The following GABRG3 variants were observed in gnomAD, a reference collection of about 807,000 sequenced individuals.
GABRG3 encodes the protein gamma-aminobutyric acid receptor subunit gamma-3.
A neutral mutation model predicts 48.8 loss-of-function variants in GABRG3; 25 were observed. The observed-to-expected ratio is 0.51, with a 90% CI of 0.37 to 0.72. The LOEUF is 0.72. Among genes scored for constraint, GABRG3 ranks in the 30% least tolerant of loss-of-function variants. The pLI is 0.00. For synonymous variants in GABRG3, 227 were observed against 217.6 expected, an observed-to-expected ratio of 1.04 and a Z score of -0.38; for missense variants, 394 against 577.9, an observed-to-expected ratio of 0.68 and a Z score of 3.26.
intron 3 of GABRG3, among the ~76,000 whole-genome samples, chr15:27,247,807 A>G (rs1890314538): frequency 6.6e-6 from 1 of 152,164 alleles, no homozygotes; most frequent in African/African-American, 2.4e-5. Context: ...CCCCTTATCA[A>G]ACCATCAGAT....
rs1158391638 is a variant in GABRG3 at position 26,974,843 on chromosome 15, T to TTTTTTATTA, written c.54-2157_54-2156insTTTATTATT. ...CAGATGACACGAAATATTTTTTAAA[T>TTTTTTATTA]TTATTATTATTATTATTATTATTAT... On this transcript the variant is annotated intron_variant, in intron 1 of 9. Transcript: ENST00000615808. The surrounding 1 kb of genome is among the most constrained non-coding windows in gnomAD (Gnocchi z 4.3). Among the ~76,000 whole-genome samples, 1 of 140,862 alleles carries TTTTTTATTA rather than the reference T, an allele frequency of 7.1e-6. No individual in the cohort carries two copies. Among genetic ancestry groups the TTTTTTATTA allele is most frequent in the African/African-American group, 2.6e-5 (1 of 38,350 alleles). The allele number at this position is 140,862 out of a possible 152,430, so 92.4% of individuals were successfully genotyped here.
intron 3 of GABRG3, among the ~76,000 whole-genome samples, chr15:27,064,913 T>C (rs1896711954): frequency 6.6e-6 from 1 of 152,230 alleles, no homozygotes; most frequent in Non-Finnish European, 1.5e-5. Flanking sequence ...TTTAAACGTG[T>C]GTCAAGTTGT....
intron 3 of GABRG3, among the ~76,000 whole-genome samples, chr15:27,218,632 C>T (rs1214628805): frequency 6.6e-6 from 1 of 152,156 alleles, no homozygotes; most frequent in Non-Finnish European, 1.5e-5. Context: ...CTGGATGCCT[C>T]CTGTCCCTGC....
intron 2 of GABRG3, among the ~76,000 whole-genome samples, chr15:27,013,038 T>C (rs554622590): frequency 6.6e-6 from 1 of 152,164 alleles, no homozygotes; most frequent in Non-Finnish European, 1.5e-5. Context: ...TGAAAGAAAT[T>C]TGAAATAATT....
At chr15:27,152,678 CAT>C (rs1336708998) in intron 3 of GABRG3, among the ~76,000 whole-genome samples, 1 of 152,010 alleles carries the variant, frequency 6.6e-6, no homozygotes, top group Non-Finnish European at 1.5e-5. Flanking sequence ...AATGTCTTTT[CAT>C]ATCTTTTGTC....
chr15:27,266,021 C>T (rs1890910579), intron 3 of GABRG3, among the ~76,000 whole-genome samples: 1 of 151,818 alleles, frequency 6.6e-6, no homozygotes, highest in Non-Finnish European at 1.5e-5. Context: ...GCTGGGATTA[C>T]AGGCATGTGC....
chr15:27,059,813 G>A (rs1420134953), intron 3 of GABRG3, among the ~76,000 whole-genome samples: 2 of 152,194 alleles, frequency 1.3e-5, no homozygotes, highest in African/African-American at 4.8e-5. Flanking sequence ...TGGCACCACG[G>A]AGAATAGAAA....
intron 3 of GABRG3, among the ~76,000 whole-genome samples, chr15:27,184,254 T>C (rs1413130385): frequency 1.3e-5 from 2 of 152,194 alleles, no homozygotes. Context: ...GTGCCTCTGC[T>C]GCTGTCTCCA....
At chr15:27,353,426 CTATT>C (rs59969384) in intron 5 of GABRG3, among the ~76,000 whole-genome samples, 87 of 146,106 alleles carry the variant, frequency 6.0e-4, no homozygotes, top group Admixed American at 1.2e-3. Flanking sequence ...TTCTTTCTTT[CTATT>C]TATTTATTTA....
chr15:27,416,724 GC>G (rs1435806360), intron 5 of GABRG3, among the ~76,000 whole-genome samples: 5 of 152,106 alleles, frequency 3.3e-5, no homozygotes, highest in African/African-American at 1.2e-4. Context: ...AGAGGTTTTA[GC>G]CTCTGGGTTT....
intron 3 of GABRG3, among the ~76,000 whole-genome samples, chr15:27,107,255 G>T (rs879442549): frequency 6.6e-6 from 1 of 151,988 alleles, no homozygotes; most frequent in Admixed American, 6.6e-5. Flanking sequence ...TCCTTAAGGT[G>T]ATCTTCATGA....
intron 3 of GABRG3, among the ~76,000 whole-genome samples, chr15:27,297,896 A>C (rs1025286146): frequency 1.3e-5 from 2 of 152,128 alleles, no homozygotes; most frequent in Non-Finnish European, 2.9e-5. Flanking sequence ...CACTTGAATA[A>C]ATTGGAATAA....
chr15:27,077,834 A>G (rs1048272939), intron 3 of GABRG3, among the ~76,000 whole-genome samples: 1 of 152,226 alleles, frequency 6.6e-6, no homozygotes, highest in Non-Finnish European at 1.5e-5. Context: ...ATGAGGACCA[A>G]AAAGTTAGCA....
chr15:27,361,186 G>A lies in GABRG3; in HGVS notation c.574+32298G>A, dbSNP rs72703829. 9.9e-3 allele frequency among the ~76,000 whole-genome samples: 1,509 copies of A among 152,348 alleles called. 33 individuals carry two copies. Among genetic ancestry groups the A allele is most frequent in the South Asian group, 0.053 (255 of 4,826 alleles). On this transcript the variant is annotated intron_variant, in intron 5 of 9. Coordinates refer to ENST00000615808, the MANE Select transcript of GABRG3 (RefSeq NM_033223.5). ...GGTACTTCTTAGTGACAGTGGAACT[G>A]TGAAGGGAGTGTGTCTTTGTGGCAC...
At chr15:27,297,147 C>T (rs974550211) in intron 3 of GABRG3, among the ~76,000 whole-genome samples, 7 of 151,864 alleles carry the variant, frequency 4.6e-5, no homozygotes. Context: ...AGAAATAAAT[C>T]GTTTTTGTAT....
At chr15:27,186,712 G>C (rs1566958278) in intron 3 of GABRG3, among the ~76,000 whole-genome samples, 1 of 152,110 alleles carries the variant, frequency 6.6e-6, no homozygotes, top group Non-Finnish European at 1.5e-5. Flanking sequence ...ATTGTTCTGA[G>C]ATAGTATCTC....
rs1360384889 is a variant in GABRG3 at position 27,183,037 on chromosome 15, C to T, written c.271-143772C>T. 2.6e-5 allele frequency among the ~76,000 whole-genome samples: 4 copies of T among 152,202 alleles called. No homozygotes were observed. The East Asian group carries it at 5.8e-4, about 22-fold the overall frequency. ...AGTGAAGCTGATCAATTCGTTTTAG[C>T]GAGAAGAGCCTTAGGTGGTTGTTTT... On this transcript the variant is annotated intron_variant, in intron 3 of 9. Coordinates refer to ENST00000615808, the MANE Select transcript of GABRG3 (RefSeq NM_033223.5).
At position 27,431,700 on chromosome 15, in the gene GABRG3, T is replaced by A. The variant is rs545108970; in HGVS notation, c.575-48950T>A. ...TGAGGAAAGTACCTTCTATTCCATA[T>A]CTCCTGACTGCTTTTTTCATGAATG... On this transcript the variant is annotated intron_variant, in intron 5 of 9. Coordinates refer to ENST00000615808, the MANE Select transcript of GABRG3 (RefSeq NM_033223.5). Among the ~76,000 whole-genome samples, 11 of 152,294 alleles carry A rather than the reference T, an allele frequency of 7.2e-5. 1 individual carries two copies. The South Asian group carries it at 2.3e-3, about 32-fold the overall frequency.
At chr15:27,528,126 T>C in intron 9 of GABRG3, 134 bp downstream of exon 9, 1 of 696,874 alleles carries the variant, frequency 1.4e-6, no homozygotes, top group Non-Finnish European at 2.5e-6. Flanking sequence ...ACTTCAAAAA[T>C]GTGTTTAGTA....
Sources: allele counts gnomAD v4.1 joint callset (sites outside exome capture counted in the v4.1 genomes callset), GRCh38; gene constraint gnomAD v4.1.1; non-coding constraint Gnocchi (gnomAD v3.1); transcripts MANE v1.5; gene names NCBI Gene and HGNC (gene_info 2026-07-23, HGNC 2026-07-21).